The following IRAK4 variants were observed in gnomAD, a reference collection of about 807,000 sequenced individuals.
The protein encoded by IRAK4 is interleukin 1 receptor associated kinase 4.
IRAK4 carries 44 observed loss-of-function variants against 51.8 expected under a neutral mutation model. The ratio of observed to expected loss-of-function variants is 0.85; its 90% CI spans 0.67 to 1.09. The LOEUF is 1.09. IRAK4 is among the 50% of genes least tolerant of loss of function. The pLI is 0.00. For missense variants in IRAK4, 487 were observed against 538.0 expected, an observed-to-expected ratio of 0.91 and a Z score of 0.94; for synonymous variants, 149 against 174.1, an observed-to-expected ratio of 0.86 and a Z score of 1.13.
chr12:43,778,741 T>A (rs2138011768), intron 8 of IRAK4, among the ~76,000 whole-genome samples: 1 of 152,034 alleles, frequency 6.6e-6, no homozygotes, highest in South Asian at 2.1e-4. Context: ...AAGCACAAAA[T>A]AATTATAGAA....
At chr12:43,779,549 A>G (rs1292792246) in intron 8 of IRAK4, among the ~76,000 whole-genome samples, 1 of 152,186 alleles carries the variant, frequency 6.6e-6, no homozygotes, top group Admixed American at 6.5e-5. Flanking sequence ...TCATAAGAAG[A>G]GAGGGGAGCA....
chr12:43,767,782 CT>C (rs1476441672), intron 1 of IRAK4, among the ~76,000 whole-genome samples: 1 of 151,976 alleles, frequency 6.6e-6, no homozygotes, highest in African/African-American at 2.4e-5. Context: ...GTTGATATTA[CT>C]CTTAAGAATT....
Position 43,768,106 on chromosome 12 carries a change from T to G in IRAK4, c.-6T>G. 1 of 1,612,304 alleles carries G rather than the reference T, an allele frequency of 6.2e-7. No homozygotes were observed. The highest frequency in any genetic ancestry group is 8.5e-7 in the Non-Finnish European group (1 of 1,178,704). On this transcript the variant is annotated 5_prime_UTR_variant, in exon 2 of 12. Coordinates refer to ENST00000613694, the MANE Select transcript of IRAK4 (RefSeq NM_016123.4). ...ATGAGATTTTTCCATATTTTAGGAATAGAAGATGAACAAACCCATAACACC... is the reference window on the plus strand; with the variant it reads ...ATGAGATTTTTCCATATTTTAGGAAGAGAAGATGAACAAACCCATAACACC...
chr12:43,780,094 G>A (rs962712254), intron 8 of IRAK4, among the ~76,000 whole-genome samples: 3 of 152,112 alleles, frequency 2.0e-5, no homozygotes, highest in Non-Finnish European at 4.4e-5. Context: ...GAAAGAAAGT[G>A]TTTCCCAAGA....
At position 43,767,992 on chromosome 12, in the gene IRAK4, T is replaced by A. The variant is rs542757976; in HGVS notation, c.-9-111T>A. 151 of 742,238 alleles carry A rather than the reference T, an allele frequency of 2.0e-4. No individual in the cohort carries two copies. The African/African-American group carries it at 2.5e-3, about 12-fold the overall frequency. 46.0% of individuals were successfully genotyped at this position (742,238 alleles called of 1,614,324 possible). ...ACTTTGGAATGTTTCTTTATTATGG[T>A]ATAATCAGTTGCTGACATTTCATAT... is the stretch of plus-strand genomic sequence containing the variant. On this transcript the variant is annotated intron_variant, in intron 1 of 11. Coordinates refer to ENST00000613694, the MANE Select transcript of IRAK4 (RefSeq NM_016123.4).
At chr12:43,785,630 A>G (rs1565687833) in intron 10 of IRAK4, among the ~76,000 whole-genome samples, 1 of 144,408 alleles carries the variant, frequency 6.9e-6, no homozygotes, top group Non-Finnish European at 1.5e-5. Context: ...GTGTGTATAT[A>G]TATATATTTA....
In IRAK4 at chr12:43,772,248, C is replaced by T. The variant is rs1379851408; in HGVS notation, c.376C>T (p.Pro126Ser). 5.0e-6 allele frequency: 8 copies of T among 1,613,562 alleles called. No individual in the cohort carries two copies. The highest frequency in any genetic ancestry group is 5.1e-6 in the Non-Finnish European group (6 of 1,179,736). The change falls in exon 4 of 12, where the codon CCT (proline) becomes TCT (serine). Residue 126 changes from proline (P) to serine (S), a missense_variant. Coordinates refer to ENST00000613694, the MANE Select transcript of IRAK4 (RefSeq NM_016123.4). Reference protein sequence around the residue: ...EAITVQQKQMPFCDKDRTLMT... With the variant: ...EAITVQQKQMSFCDKDRTLMT... ...TATAACAGTTCAGCAAAAACAGATG[C>T]CTTTCTGTGACAAAGACAGGACATT...
chr12:43,764,039 A>G (rs1193218392), intron 1 of IRAK4, among the ~76,000 whole-genome samples: 1 of 152,058 alleles, frequency 6.6e-6, no homozygotes, highest in Non-Finnish European at 1.5e-5. Context: ...ACCTCATTTT[A>G]TTGTTGCTTC....
chr12:43,775,699 T>C (rs1310688629), intron 6 of IRAK4, among the ~76,000 whole-genome samples: 3 of 152,144 alleles, frequency 2.0e-5, no homozygotes, highest in Non-Finnish European at 4.4e-5. Context: ...AATGCAGTTA[T>C]ACTTACTTTA....
intron 1 of IRAK4, chr12:43,763,227 A>G (rs1363105989): frequency 2.0e-5 from 3 of 152,230 alleles, no homozygotes; most frequent in African/African-American, 7.2e-5. Flanking sequence ...GTGTAGTATC[A>G]AAGAGAAATA....
At chr12:43,779,090 G>T (rs1213261489) in intron 8 of IRAK4, among the ~76,000 whole-genome samples, 1 of 152,032 alleles carries the variant, frequency 6.6e-6, no homozygotes, top group African/African-American at 2.4e-5. Flanking sequence ...GAACAACATA[G>T]CAAGACCTCA....
chr12:43,773,869 A>G (rs1156665106), intron 5 of IRAK4, 96 bp from the exon 6 acceptor site: 1 of 764,518 alleles, frequency 1.3e-6, no homozygotes, highest in Admixed American at 2.0e-5. Flanking sequence ...CTATTGTTTT[A>G]AAGAAAGGGA....
intron 10 of IRAK4, among the ~76,000 whole-genome samples, chr12:43,786,116 C>T (rs1305874494): frequency 6.6e-6 from 1 of 151,302 alleles, no homozygotes; most frequent in African/African-American, 2.4e-5. Flanking sequence ...TCAGTGCAAC[C>T]TCTGCCTCCT....
chr12:43,774,754 T>A (rs373608076), intron 6 of IRAK4, among the ~76,000 whole-genome samples: 8 of 152,194 alleles, frequency 5.3e-5, no homozygotes, highest in Admixed American at 5.2e-4. Context: ...AAGGCATTGA[T>A]CCTGTGTGCT....
At chr12:43,786,298 C>T in intron 10 of IRAK4, 101 bp from the exon 11 acceptor site, 1 of 731,232 alleles carries the variant, frequency 1.4e-6, no homozygotes, top group East Asian at 3.6e-5. Context: ...AATGAGAGCA[C>T]ATGTTATTAC....
chr12:43,776,225 C>T (rs1289658803), intron 6 of IRAK4, among the ~76,000 whole-genome samples: 1 of 152,074 alleles, frequency 6.6e-6, no homozygotes, highest in East Asian at 1.9e-4. Flanking sequence ...GCAGAATGAA[C>T]TTGGCCAAGT....
At chr12:43,773,106 T>TG in intron 5 of IRAK4, 34 bp downstream of exon 5, 1 of 1,592,162 alleles carries the variant, frequency 6.3e-7, no homozygotes, top group Non-Finnish European at 8.6e-7. Flanking sequence ...AAAGAAAGAG[T>TG]TGCTTCATAG....
At chr12:43,759,515 C>G (rs1226520666) in intron 1 of IRAK4, 1 of 152,236 alleles carries the variant, frequency 6.6e-6, no homozygotes, top group African/African-American at 2.4e-5. Flanking sequence ...TGAGTACATT[C>G]GCAGATGGGG....
Position 43,786,803 on chromosome 12 carries a change from A to T in IRAK4, c.*88A>T. On this transcript the variant is annotated 3_prime_UTR_variant, in exon 12 of 12. Coordinates refer to ENST00000613694, the MANE Select transcript of IRAK4 (RefSeq NM_016123.4). ...ATTTTTTTCCTAAATATTCTTCTTT[A>T]CCTTTAACAAGGCATAGGCTGTTGC... 8.6e-7 allele frequency: 1 copy of T among 1,159,038 alleles called. No homozygotes were observed. Among genetic ancestry groups the T allele is most frequent in the South Asian group, 1.3e-5 (1 of 78,092 alleles). 71.8% of individuals were successfully genotyped at this position (1,159,038 alleles called of 1,614,324 possible).
Sources: allele counts gnomAD v4.1 joint callset (sites outside exome capture counted in the v4.1 genomes callset), GRCh38; gene constraint gnomAD v4.1.1; transcripts MANE v1.5; gene names NCBI Gene and HGNC (gene_info 2026-07-23, HGNC 2026-07-21).